CHST11: variants seen among roughly 807,000 people sequenced by gnomAD.
CHST11 encodes C4S-1.
In CHST11, 9 loss-of-function variants were observed where a neutral mutation model predicts 30.4. The observed-to-expected ratio is 0.30, with a 90% CI of 0.18 to 0.52. The LOEUF is 0.52. CHST11 is among the 20% of genes least tolerant of loss of function. CHST11 has a pLI of 0.97. For synonymous variants in CHST11, 152 were observed against 187.8 expected (o/e 0.81, Z 1.56); for missense variants, 348 against 460.6 (o/e 0.76, Z 2.24).
intron 2 of CHST11, among the ~76,000 whole-genome samples, chr12:104,745,064 G>A (rs1410591958): frequency 4.6e-5 from 7 of 152,050 alleles, no homozygotes; most frequent in Admixed American, 3.3e-4. Context: ...AGTAAAGACC[G>A]GGTTTCGCCG....
chr12:104,701,839 C>T (rs563691923), intron 2 of CHST11, among the ~76,000 whole-genome samples: 105 of 152,330 alleles, frequency 6.9e-4, no homozygotes, highest in Non-Finnish European at 1.2e-3. Flanking sequence ...CTGATATGCA[C>T]TTGGGTGCTG....
At chr12:104,665,092 C>T (rs558512083) in intron 2 of CHST11, among the ~76,000 whole-genome samples, 4 of 152,206 alleles carry the variant, frequency 2.6e-5, no homozygotes, top group Non-Finnish European at 5.9e-5. Context: ...CCTCTTCCCA[C>T]TTTCACCTCT....
intron 2 of CHST11, among the ~76,000 whole-genome samples, chr12:104,622,631 C>A (rs1204483293): frequency 6.6e-6 from 1 of 152,158 alleles, no homozygotes; most frequent in Non-Finnish European, 1.5e-5. Context: ...CTAGAGAGGG[C>A]AAAGAGCATG....
chr12:104,552,883 T>C (rs1319541164), intron 1 of CHST11: 1 of 152,218 alleles, frequency 6.6e-6, no homozygotes, highest in Non-Finnish European at 1.5e-5. Context: ...GCAGGATGCC[T>C]AGCACATAGT....
intron 2 of CHST11, among the ~76,000 whole-genome samples, chr12:104,618,634 A>G (rs2039131925): frequency 6.6e-6 from 1 of 152,118 alleles, no homozygotes; most frequent in South Asian, 2.1e-4. Context: ...GGGTCCTAGT[A>G]AGTGTGTTTT....
intron 1 of CHST11, among the ~76,000 whole-genome samples, chr12:104,501,750 A>T (rs1444123408): frequency 6.6e-6 from 1 of 152,236 alleles, no homozygotes; most frequent in African/African-American, 2.4e-5. Flanking sequence ...TCCACCCACC[A>T]GATGCTGGGT....
chr12:104,566,587 T>G (rs2038569013), intron 1 of CHST11, among the ~76,000 whole-genome samples: 1 of 152,180 alleles, frequency 6.6e-6, no homozygotes, highest in Non-Finnish European at 1.5e-5. Flanking sequence ...GAGGGTGGGT[T>G]CTGGAGGGAT....
chr12:104,694,774 G>C (rs1387803385), intron 2 of CHST11, among the ~76,000 whole-genome samples: 2 of 152,198 alleles, frequency 1.3e-5, no homozygotes, highest in Admixed American at 6.5e-5. Flanking sequence ...TGATGGGAGA[G>C]TGATTAAAGC....
chr12:104,690,197 T>A (rs1014046), intron 2 of CHST11, among the ~76,000 whole-genome samples: 11,330 of 152,138 alleles, frequency 0.074, 1,133 homozygotes, highest in African/African-American at 0.23. Flanking sequence ...TACCTATAAA[T>A]AAGGTGAGAA....
Position 104,458,216 on chromosome 12 carries a change from G to A in CHST11, c.118+687G>A, listed in dbSNP as rs1189545828. Among the ~76,000 whole-genome samples the A allele has an allele frequency of 4.6e-5, 7 of 152,088 alleles. No individual in the cohort carries two copies. The highest frequency in any genetic ancestry group is 7.2e-5 in the African/African-American group (3 of 41,426). Reference sequence around the variant, plus strand: ...GCAGTGACCTTGCGGCTGGTGCCCCGGGGCCTGCTCCAGCCCCCAGCCCTG... The same window carrying A: ...GCAGTGACCTTGCGGCTGGTGCCCCAGGGCCTGCTCCAGCCCCCAGCCCTG... On this transcript the variant is annotated intron_variant, in intron 1 of 2. Transcript: ENST00000303694. This position sits in a 1 kb window ranked among gnomAD's most constrained non-coding sequence, Gnocchi z 5.7.
chr12:104,743,978 T>G (rs1179962254), intron 2 of CHST11, among the ~76,000 whole-genome samples: 2 of 152,258 alleles, frequency 1.3e-5, no homozygotes, highest in East Asian at 3.8e-4. Context: ...ATGGTATATA[T>G]GTACCACATT....
intron 2 of CHST11, among the ~76,000 whole-genome samples, chr12:104,709,952 T>C (rs2040072521): frequency 6.6e-6 from 1 of 152,206 alleles, no homozygotes; most frequent in African/African-American, 2.4e-5. Context: ...ATCCCAGCAT[T>C]TTGGGACACC....
At chr12:104,463,501 C>T (rs2037429186) in intron 1 of CHST11, among the ~76,000 whole-genome samples, 1 of 152,160 alleles carries the variant, frequency 6.6e-6, no homozygotes, top group South Asian at 2.1e-4. Flanking sequence ...TCTCTCTTTT[C>T]CTTTCTTCTA....
intron 2 of CHST11, among the ~76,000 whole-genome samples, chr12:104,726,322 A>G (rs1484802575): frequency 6.6e-6 from 1 of 152,176 alleles, no homozygotes; most frequent in Non-Finnish European, 1.5e-5. Context: ...CCATATTTGT[A>G]CATCCCCTGG....
At chr12:104,507,137 G>C (rs898490750) in intron 1 of CHST11, among the ~76,000 whole-genome samples, 2 of 152,166 alleles carry the variant, frequency 1.3e-5, no homozygotes, top group Non-Finnish European at 2.9e-5. Context: ...AGGGACAGGT[G>C]GGGTAAGCTC....
At chr12:104,693,278 T>A (rs2039914861) in intron 2 of CHST11, among the ~76,000 whole-genome samples, 1 of 152,112 alleles carries the variant, frequency 6.6e-6, no homozygotes, top group African/African-American at 2.4e-5. Context: ...TTTGAAGGGG[T>A]CACAGATCAG....
intron 1 of CHST11, among the ~76,000 whole-genome samples, chr12:104,559,471 G>A (rs936595940): frequency 3.3e-5 from 5 of 152,202 alleles, no homozygotes; most frequent in African/African-American, 1.2e-4. Flanking sequence ...GGCTGGGCGC[G>A]GTGGCCCATG....
Position 104,602,841 on chromosome 12 carries a change from G to A in CHST11, c.204+850G>A, listed in dbSNP as rs539181550. Among the ~76,000 whole-genome samples, 17 of 152,302 alleles carry A rather than the reference G, an allele frequency of 1.1e-4. No individual in the cohort carries two copies. In the East Asian group the frequency reaches 2.1e-3, roughly 19 times the overall value. On this transcript the variant is annotated intron_variant, in intron 2 of 2. Coordinates refer to ENST00000303694, the MANE Select transcript of CHST11 (RefSeq NM_018413.6). ...ATACTTCTTTGGACCAAGGTACCTG[G>A]TGGAGGAAGATAATGCACGGGCCTC...
chr12:104,517,818 T>C (rs2038038774), intron 1 of CHST11, among the ~76,000 whole-genome samples: 1 of 152,250 alleles, frequency 6.6e-6, no homozygotes, highest in African/African-American at 2.4e-5. Context: ...TTAAGCTGAC[T>C]CCTGATGAGC....
Sources: gnomAD v4.1 joint callset for allele counts (sites outside exome capture counted in the v4.1 genomes callset) on GRCh38, gnomAD v4.1.1 for gene constraint, Gnocchi (gnomAD v3.1) non-coding constraint, MANE v1.5 for transcripts, NCBI Gene and HGNC (gene_info 2026-07-23, HGNC 2026-07-21) for gene names.